HTR5A: variants seen among roughly 807,000 people sequenced by gnomAD.
The protein encoded by HTR5A is 5-hydroxytryptamine receptor 5A.
HTR5A carries 21 observed loss-of-function variants against 24.3 expected under a neutral mutation model. The ratio of observed to expected loss-of-function variants is 0.86; its 90% confidence interval spans 0.61 to 1.24. HTR5A has a LOEUF of 1.24. Among genes scored for constraint, HTR5A ranks in the 50% most tolerant of loss-of-function variants. The pLI is 0.00. For synonymous variants in HTR5A, 260 were observed against 213.7 expected, an observed-to-expected ratio of 1.22 and a Z score of -1.89; for missense variants, 497 against 489.5, an observed-to-expected ratio of 1.02 and a Z score of -0.15.
Position 155,084,262 on chromosome 7 carries a change from C to A in HTR5A, c.849C>A (p.Ala283=), listed in dbSNP as rs113935396. ...DTWREQKEQR[A]ALMVGILIGV... ...GGCGGGAGCAGAAGGAGCAGCGGGC[C>A]GCCCTCATGGTGGGCATCCTCATTG... Residue 283 remains alanine, a synonymous_variant, in exon 2 of 2, where the codon GCC becomes GCA. Transcript: ENST00000287907. The A allele has an allele frequency of 6.2e-7, 1 of 1,614,106 alleles. No homozygotes were observed.
chr7:155,074,770 AT>A (rs938936731), intron 1 of HTR5A: 2 of 152,208 alleles, frequency 1.3e-5, no homozygotes, highest in African/African-American at 4.8e-5. Context: ...CTATTCATAT[AT>A]TTGATTCCTG....
Position 155,073,915 on chromosome 7 carries a change from A to G in HTR5A, c.741+2275A>G, listed in dbSNP as rs1387552973. Among the ~76,000 whole-genome samples, 6 of 126,094 alleles carry G rather than the reference A, an allele frequency of 4.8e-5. 1 individual carries two copies. Among genetic ancestry groups the G allele is most frequent in the South Asian group, 2.4e-4 (1 of 4,152 alleles). The allele number at this position is 126,094 out of a possible 152,430, so 82.7% of individuals were successfully genotyped here. ...TATATATATATATATATATATATAT[A>G]TGTATATATATATACTCTCTTCTCT... On this transcript the variant is annotated intron_variant, in intron 1 of 1. Coordinates refer to ENST00000287907, the MANE Select transcript of HTR5A (RefSeq NM_024012.4).
At chr7:155,083,205 T>C (rs1031682240) in intron 1 of HTR5A, among the ~76,000 whole-genome samples, 7 of 152,188 alleles carry the variant, frequency 4.6e-5, no homozygotes, top group Admixed American at 2.6e-4. Flanking sequence ...GAGAACAAAC[T>C]GAGTAAATAT....
At chr7:155,079,338 A>G (rs1795391556) in intron 1 of HTR5A, among the ~76,000 whole-genome samples, 2 of 152,326 alleles carry the variant, frequency 1.3e-5, no homozygotes, top group Non-Finnish European at 2.9e-5. Flanking sequence ...TGGTAATTTT[A>G]TAATGTGATT....
chr7:155,083,083 A>G (rs1202222644), intron 1 of HTR5A, among the ~76,000 whole-genome samples: 1 of 146,870 alleles, frequency 6.8e-6, no homozygotes. Flanking sequence ...CTGTTATTCC[A>G]TGTGATAGTA....
rs1401692753 is a variant in HTR5A at position 155,087,036 on chromosome 7, C to T, written c.*2549C>T. On this transcript the variant is annotated 3_prime_UTR_variant, in exon 2 of 2. Transcript: ENST00000287907. ...TTCAGCTCTTGTAGAATATGTCGAA[C>T]AAAACGCACAGTTCTGCCCTCCTGC... Among the ~76,000 whole-genome samples the T allele has an allele frequency of 6.6e-6, 1 of 152,062 alleles. No individual in the cohort carries two copies. The highest frequency in any genetic ancestry group is 1.5e-5 in the Non-Finnish European group (1 of 68,002).
chr7:155,074,522 C>G (rs1331936116), intron 1 of HTR5A: 2 of 152,124 alleles, frequency 1.3e-5, no homozygotes. Context: ...GTTGTTCCTC[C>G]AATGCGTATT....
At position 155,071,404 on chromosome 7, in the gene HTR5A, T is replaced by C; in HGVS notation, c.505T>C (p.Ser169Pro). The C allele has an allele frequency of 1.2e-6, 2 of 1,614,158 alleles. No individual in the cohort carries two copies. Among genetic ancestry groups the C allele is most frequent in the African/African-American group, 1.3e-5 (1 of 75,064 alleles). The change falls in exon 1 of 2, where the codon TCC (serine) becomes CCC (proline). Residue 169 changes from serine to proline, a missense_variant. Transcript: ENST00000287907. ...NVMIALTWALSAVISLAPLLF... is the reference protein window; with the variant it reads ...NVMIALTWALPAVISLAPLLF... ...CATGATCGCGCTCACCTGGGCACTC[T>C]CCGCTGTCATCTCTCTGGCCCCGCT...
Position 155,081,500 on chromosome 7 carries a change from AT to A in HTR5A, c.742-2654del, listed in dbSNP as rs1795417681. Among the ~76,000 whole-genome samples the A allele has an allele frequency of 2.6e-5, 4 of 152,214 alleles. No individual in the cohort carries two copies. The South Asian group carries it at 8.3e-4, about 32-fold the overall frequency. On this transcript the variant is annotated intron_variant, in intron 1 of 1. Coordinates refer to ENST00000287907, the MANE Select transcript of HTR5A (RefSeq NM_024012.4). ...CATTTAGAAAAAAATTTATATATGA[AT>A]CTTAAATTGTGAGCTATGTACTTTA... is the stretch of plus-strand genomic sequence containing the variant.
chr7:155,084,658 T>C lies in HTR5A; in HGVS notation c.*171T>C. ...CTTTTCCACCTCCTCAGTAGGAATATGACTCCTCATAGAGTTACGGTGACA... is the reference window on the plus strand; with the variant it reads ...CTTTTCCACCTCCTCAGTAGGAATACGACTCCTCATAGAGTTACGGTGACA... On this transcript the variant is annotated 3_prime_UTR_variant, in exon 2 of 2. Transcript: ENST00000287907. 1.7e-6 allele frequency: 1 copy of C among 603,792 alleles called. No individual in the cohort carries two copies. The highest frequency in any genetic ancestry group is 1.9e-5 in the African/African-American group (1 of 53,974). 37.4% of individuals were successfully genotyped at this position (603,792 alleles called of 1,614,324 possible).
intron 1 of HTR5A, among the ~76,000 whole-genome samples, chr7:155,076,590 A>T (rs960472974): frequency 2.0e-5 from 3 of 152,202 alleles, no homozygotes; most frequent in African/African-American, 7.2e-5. Context: ...TAGAGGATCC[A>T]AGTTCTGTCT....
chr7:155,070,888 C>G lies in HTR5A; in HGVS notation c.-12C>G. The G allele has an allele frequency of 6.3e-7, 1 of 1,591,438 alleles. No individual in the cohort carries two copies. The highest frequency in any genetic ancestry group is 8.5e-7 in the Non-Finnish European group (1 of 1,173,402). On this transcript the variant is annotated 5_prime_UTR_variant, in exon 1 of 2. Transcript: ENST00000287907. ...TTCTGCAAGTACCCCAGGGCGGTCTCCTGACCCAGAGATGGATTTACCTGT... is the reference window on the plus strand; with the variant it reads ...TTCTGCAAGTACCCCAGGGCGGTCTGCTGACCCAGAGATGGATTTACCTGT...
chr7:155,079,988 T>A (rs1403505405), intron 1 of HTR5A, among the ~76,000 whole-genome samples: 2 of 152,220 alleles, frequency 1.3e-5, no homozygotes, highest in African/African-American at 2.4e-5. Context: ...ACTGGCCTAA[T>A]AATGGTCTTC....
intron 1 of HTR5A, among the ~76,000 whole-genome samples, chr7:155,073,323 GA>G (rs66715434): frequency 1.1e-4 from 12 of 109,160 alleles, no homozygotes; most frequent in African/African-American, 3.3e-4. Flanking sequence ...TCTGTCTCAA[GA>G]AAAAAAAAAA....
At position 155,071,059 on chromosome 7, in the gene HTR5A, A is replaced by T; in HGVS notation, c.160A>T (p.Thr54Ser). 1 of 1,609,832 alleles carries T rather than the reference A, an allele frequency of 6.2e-7. No individual in the cohort carries two copies. The highest frequency in any genetic ancestry group is 8.5e-7 in the Non-Finnish European group (1 of 1,179,998). Residue 54 changes from threonine to serine, a missense_variant, in exon 1 of 2, where the codon ACG becomes TCG. Transcript: ENST00000287907. ...CTTGCTGGGCTTTCTGGTGGCGGCG[A>T]CGTTCGCCTGGAACCTGCTGGTGCT... ...LTLLGFLVAA[T>S]FAWNLLVLAT...
rs1169692099 is a variant in HTR5A, at chr7:155,073,889, GTATATA to G, written c.741+2271_741+2276del. Among the ~76,000 whole-genome samples the G allele has an allele frequency of 6.2e-4, 6 of 9,662 alleles. 1 individual carries two copies. Among genetic ancestry groups the G allele is most frequent in the South Asian group, 0.026 (2 of 76 alleles). 6.3% of individuals were successfully genotyped at this position (9,662 alleles called of 152,430 possible). ...TGTATATATATATGTATATATATAT[GTATATA>G]TATATATATATATATATATATGTAT... On this transcript the variant is annotated intron_variant, in intron 1 of 1. Coordinates refer to ENST00000287907, the MANE Select transcript of HTR5A (RefSeq NM_024012.4).
Position 155,084,178 on chromosome 7 carries a change from C to T in HTR5A, c.765C>T (p.Pro255=). 1 of 1,611,350 alleles carries T rather than the reference C, an allele frequency of 6.2e-7. No homozygotes were observed. The highest frequency in any genetic ancestry group is 8.5e-7 in the Non-Finnish European group (1 of 1,178,890). ...AVEVKDSAKQ[P]QMVFTVRHAT... ...AGGTGAAGGACTCTGCCAAACAGCC[C>T]CAGATGGTGTTCACGGTCCGCCACG... is the stretch of plus-strand genomic sequence containing the variant. Residue 255 remains proline (P), a synonymous_variant, in exon 2 of 2, where the codon CCC becomes CCT. Coordinates refer to ENST00000287907, the MANE Select transcript of HTR5A (RefSeq NM_024012.4).
rs113046368 is a variant in HTR5A, at chr7:155,075,701, T to C, written c.741+4061T>C. Among the ~76,000 whole-genome samples, 588 of 152,320 alleles carry C rather than the reference T, an allele frequency of 3.9e-3. 5 individuals carry two copies. The highest frequency in any genetic ancestry group is 0.014 in the African/African-American group (562 of 41,578). On this transcript the variant is annotated intron_variant, in intron 1 of 1. Coordinates refer to ENST00000287907, the MANE Select transcript of HTR5A (RefSeq NM_024012.4). ...CAGGTACAACAAGAAATGGTAGCTA[T>C]AGGGTAAACTCTTCCATGACTGGCC...
Position 155,086,497 on chromosome 7 carries a change from T to C in HTR5A, c.*2010T>C, listed in dbSNP as rs993725717. Among the ~76,000 whole-genome samples, 1 of 152,242 alleles carries C rather than the reference T, an allele frequency of 6.6e-6. No individual in the cohort carries two copies. The highest frequency in any genetic ancestry group is 2.4e-5 in the African/African-American group (1 of 41,470). ...CAGTTGGAGAACGATGTTATTATAATATTAATTCAATCTCCAGCTGAGGGT... is the reference window on the plus strand; with the variant it reads ...CAGTTGGAGAACGATGTTATTATAACATTAATTCAATCTCCAGCTGAGGGT... On this transcript the variant is annotated 3_prime_UTR_variant, in exon 2 of 2. Coordinates refer to ENST00000287907, the MANE Select transcript of HTR5A (RefSeq NM_024012.4).
Sources: allele counts gnomAD v4.1 joint callset (sites outside exome capture counted in the v4.1 genomes callset), GRCh38; gene constraint gnomAD v4.1.1; transcripts MANE v1.5; gene names NCBI Gene and HGNC (gene_info 2026-07-23, HGNC 2026-07-21).